HEG1: variants seen among roughly 807,000 people sequenced by gnomAD.
HEG1 encodes heart development protein with EGF like domains 1, also known as protein HEG homolog 1.
A neutral mutation model predicts 125.6 loss-of-function variants in HEG1; 56 were observed. That is an observed-to-expected ratio of 0.45 (90% CI 0.36 to 0.56). The LOEUF (loss-of-function observed/expected upper bound fraction) is 0.56. Ranked by LOEUF, HEG1 falls within the 20% of genes least tolerant of loss-of-function variation. The pLI, the probability that HEG1 is intolerant of heterozygous loss-of-function variation, is 0.00. For synonymous variants in HEG1, 644 were observed against 668.5 expected (o/e 0.96, Z 0.57); for missense variants, 1,523 against 1,670.0 (o/e 0.91, Z 1.53).
intron 1 of HEG1, among the ~76,000 whole-genome samples, chr3:125,046,106 G>C (rs1937658261): frequency 6.6e-6 from 1 of 152,086 alleles, no homozygotes; most frequent in Non-Finnish European, 1.5e-5. Context: ...GCAGAAAGCA[G>C]AAGGGGTTAA....
intron 1 of HEG1, among the ~76,000 whole-genome samples, chr3:125,035,900 G>GA (rs1478881646): frequency 6.6e-6 from 1 of 152,066 alleles, no homozygotes; most frequent in East Asian, 1.9e-4. Flanking sequence ...TGAGTTCTGT[G>GA]AAAAATGCAT....
intron 3 of HEG1, 83 bp downstream of exon 3, chr3:125,027,122 G>A (rs1176320967): frequency 2.4e-6 from 3 of 1,256,376 alleles, no homozygotes; most frequent in Non-Finnish European, 3.3e-6. Context: ...ACTATTATGA[G>A]TATGTAACTA....
At chr3:124,985,478 C>T (rs974772739) in intron 14 of HEG1, among the ~76,000 whole-genome samples, 2 of 152,146 alleles carry the variant, frequency 1.3e-5, no homozygotes, top group East Asian at 1.9e-4. Context: ...GAGGAACCAA[C>T]GTAAACTTCC....
At chr3:124,986,587 G>A (rs897857605) in intron 14 of HEG1, among the ~76,000 whole-genome samples, 1 of 152,138 alleles carries the variant, frequency 6.6e-6, no homozygotes, top group Non-Finnish European at 1.5e-5. Context: ...AACTAATAGA[G>A]ATATCAAAAT....
chr3:125,040,008 G>T (rs1160302623), intron 1 of HEG1, among the ~76,000 whole-genome samples: 2 of 152,202 alleles, frequency 1.3e-5, no homozygotes, highest in African/African-American at 4.8e-5. Context: ...TTATTAGCTG[G>T]AAGACTGAGC....
intron 6 of HEG1, 70 bp downstream of exon 6, chr3:125,012,553 G>T: frequency 1.4e-6 from 2 of 1,427,354 alleles, no homozygotes; most frequent in Admixed American, 2.4e-5. Flanking sequence ...CATGAACCCC[G>T]AGCCCCATGT....
intron 1 of HEG1, among the ~76,000 whole-genome samples, chr3:125,047,789 G>A (rs1205130770): frequency 2.0e-5 from 3 of 152,136 alleles, no homozygotes; most frequent in Admixed American, 2.0e-4. Flanking sequence ...CAGATGACAA[G>A]CAGGTGTCTC....
rs1936300986 is a variant in HEG1 at position 124,965,956 on chromosome 3, AAAGTTCAT to A, written c.*4688_*4695del. 1 of 152,240 alleles carries A rather than the reference AAAGTTCAT, an allele frequency of 6.6e-6. No homozygotes were observed. Among genetic ancestry groups the A allele is most frequent in the South Asian group, 2.1e-4 (1 of 4,826 alleles). The allele number at this position is 152,240 out of a possible 1,614,324, so 9.4% of individuals were successfully genotyped here. Reference sequence around the variant, plus strand: ...AATCCAGGACAACATGAAAACTCCCAAAGTTCATATTCCAGCTAAATGCTTCATTTAAC... The same window carrying A: ...AATCCAGGACAACATGAAAACTCCCAATTCCAGCTAAATGCTTCATTTAAC... On this transcript the variant is annotated 3_prime_UTR_variant, in exon 17 of 17. Transcript: ENST00000311127.
At chr3:125,025,316 T>A (rs1244168474) in intron 3 of HEG1, among the ~76,000 whole-genome samples, 2 of 152,208 alleles carry the variant, frequency 1.3e-5, no homozygotes, top group African/African-American at 4.8e-5. Flanking sequence ...TCAGACATAC[T>A]TGGATGCCTG....
At position 125,010,457 on chromosome 3, in the gene HEG1, C is replaced by A; in HGVS notation, c.3055G>T (p.Gly1019Trp). 1 of 1,555,106 alleles carries A rather than the reference C, an allele frequency of 6.4e-7. No individual in the cohort carries two copies. ...CTCTTACCCACACTGCAATCATCCC[C>A]TTGCCAGGAAGGCGGGCACCTGCAG... is the stretch of plus-strand genomic sequence containing the variant. Reference protein sequence around the residue: ...YHCRCPPSWQGDDCSVDVNEC... With the variant: ...YHCRCPPSWQWDDCSVDVNEC... Residue 1019 changes from glycine (G) to tryptophan (W), a missense_variant, in exon 7 of 17, where the codon GGG becomes TGG. By Grantham distance (184) the Gly-to-Trp change is radical. Transcript: ENST00000311127.
intron 14 of HEG1, among the ~76,000 whole-genome samples, chr3:124,985,701 G>A (rs1936726896): frequency 6.6e-6 from 1 of 152,248 alleles, no homozygotes; most frequent in South Asian, 2.1e-4. Context: ...GTGCAGGCCT[G>A]CGCTGCCCAG....
rs1411441784 is a variant in HEG1, at chr3:125,027,434, A to G, written c.684T>C (p.Ser228=). The G allele has an allele frequency of 1.2e-6, 2 of 1,613,558 alleles. No individual in the cohort carries two copies. Among genetic ancestry groups the G allele is most frequent in the African/African-American group, 2.7e-5 (2 of 74,828 alleles). ...DERIAAFQTK[S]GTASEMGTER... ...CTGTTCCCATCTCCGAGGCTGTTCCACTCTTTGTTTGAAAAGCGGCAATTC... is the reference window on the plus strand; with the variant it reads ...CTGTTCCCATCTCCGAGGCTGTTCCGCTCTTTGTTTGAAAAGCGGCAATTC... The change falls in exon 3 of 17, where the codon AGT becomes AGC. Residue 228 remains serine (S), a synonymous_variant. Coordinates refer to ENST00000311127, the MANE Select transcript of HEG1 (RefSeq NM_020733.2).
intron 15 of HEG1, among the ~76,000 whole-genome samples, chr3:124,977,265 T>C (rs1936563998): frequency 6.6e-6 from 1 of 152,248 alleles, no homozygotes; most frequent in East Asian, 1.9e-4. Context: ...TTGCTCAGTC[T>C]TGGGCATGTC....
chr3:125,018,791 C>A (rs1373449755), intron 5 of HEG1, among the ~76,000 whole-genome samples: 3 of 150,894 alleles, frequency 2.0e-5, no homozygotes, highest in African/African-American at 7.3e-5. Context: ...TCTGTATCAA[C>A]CAGCTAGAAG....
chr3:125,020,713 T>C (rs944289367), intron 4 of HEG1, 79 bp downstream of exon 4: 1 of 1,145,430 alleles, frequency 8.7e-7, no homozygotes, highest in African/African-American at 1.5e-5. Context: ...AGATTACAAA[T>C]GGTCTTGAAG....
At chr3:125,053,293 G>T (rs932604821) in intron 1 of HEG1, among the ~76,000 whole-genome samples, 1 of 152,122 alleles carries the variant, frequency 6.6e-6, no homozygotes, top group Non-Finnish European at 1.5e-5. Flanking sequence ...CATCCAAAAG[G>T]CTCCCAATCC....
chr3:124,979,964 C>A (rs1291473608), intron 14 of HEG1, among the ~76,000 whole-genome samples: 1 of 152,114 alleles, frequency 6.6e-6, no homozygotes, highest in African/African-American at 2.4e-5. Context: ...TTACGTAAAA[C>A]CATCAGTATT....
chr3:125,036,551 C>G (rs968750281), intron 1 of HEG1, among the ~76,000 whole-genome samples: 2 of 152,066 alleles, frequency 1.3e-5, no homozygotes, highest in Non-Finnish European at 2.9e-5. Flanking sequence ...AGTTGAATGA[C>G]AAACAAGGGT....
intron 3 of HEG1, 56 bp downstream of exon 3, chr3:125,027,149 G>A (rs555224051): frequency 6.9e-7 from 1 of 1,445,280 alleles, no homozygotes; most frequent in Admixed American, 2.4e-5. Context: ...TATGCACATT[G>A]ATTTATGTCT....
Sources: allele counts gnomAD v4.1 joint callset (sites outside exome capture counted in the v4.1 genomes callset), GRCh38; gene constraint gnomAD v4.1.1; transcripts MANE v1.5; gene names NCBI Gene and HGNC (gene_info 2026-07-23, HGNC 2026-07-21).